TXK: variants seen among roughly 807,000 people sequenced by gnomAD.
The protein encoded by TXK is tyrosine-protein kinase TXK.
A neutral mutation model predicts 81.0 loss-of-function variants in TXK; 60 were observed. The ratio of observed to expected loss-of-function variants is 0.74; its 90% CI spans 0.60 to 0.92. The LOEUF is 0.92. TXK is among the 40% of genes least tolerant of loss of function. The pLI is 0.00. For missense variants in TXK, 581 were observed against 638.3 expected, an observed-to-expected ratio of 0.91 and a Z score of 0.97; for synonymous variants, 203 against 210.7, an observed-to-expected ratio of 0.96 and a Z score of 0.32.
chr4:48,121,729 C>CT (rs969387143), intron 1 of TXK, among the ~76,000 whole-genome samples: 13 of 150,854 alleles, frequency 8.6e-5, no homozygotes, highest in Middle Eastern at 3.4e-3. Context: ...CACAACCATC[C>CT]TTTTTTTTTC....
chr4:48,075,178 G>A (rs1717018031), intron 12 of TXK, among the ~76,000 whole-genome samples: 1 of 152,158 alleles, frequency 6.6e-6, no homozygotes, highest in South Asian at 2.1e-4. Context: ...GGCTGCCCAA[G>A]TACTTTAGGA....
intron 14 of TXK, among the ~76,000 whole-genome samples, chr4:48,068,500 C>A (rs1488381620): frequency 6.6e-6 from 1 of 152,210 alleles, no homozygotes; most frequent in Admixed American, 6.5e-5. Flanking sequence ...CCCTCTCACA[C>A]ATAGAAAAAT....
chr4:48,113,231 G>C lies in TXK; in HGVS notation c.150C>G (p.Leu50=). ...EKYTQRRRPW[L]SQLSNKKQSN... ...CTTGCTTCTTATTTGACAATTGGCT[G>C]AGCCACGGCCTGCGACGCTGGGTGT... The change falls in exon 3 of 15, where the codon CTC becomes CTG. Residue 50 remains leucine (L), a synonymous_variant. Coordinates refer to ENST00000264316, the MANE Select transcript of TXK (RefSeq NM_003328.3). 1 of 1,613,246 alleles carries C rather than the reference G, an allele frequency of 6.2e-7. No individual in the cohort carries two copies. The highest frequency in any genetic ancestry group is 1.1e-5 in the South Asian group (1 of 90,978).
At chr4:48,085,268 C>G (rs1342010207) in intron 10 of TXK, among the ~76,000 whole-genome samples, 2 of 152,058 alleles carry the variant, frequency 1.3e-5, no homozygotes, top group Non-Finnish European at 2.9e-5. Flanking sequence ...AGCTCTGGAC[C>G]CTTATGTCCT....
At chr4:48,113,129 C>G in intron 3 of TXK, 78 bp downstream of exon 3, 1 of 997,060 alleles carries the variant, frequency 1.0e-6, no homozygotes, top group South Asian at 1.6e-5. Flanking sequence ...TTCTGGGCAA[C>G]AAACAGCACC....
intron 6 of TXK, among the ~76,000 whole-genome samples, chr4:48,098,687 C>T (rs1463058739): frequency 2.6e-5 from 4 of 151,292 alleles, no homozygotes; most frequent in Admixed American, 1.3e-4. Context: ...AAGGGCCGGA[C>T]GCAGTGGCTC....
intron 5 of TXK, among the ~76,000 whole-genome samples, chr4:48,106,890 T>C (rs984319296): frequency 1.3e-5 from 2 of 152,162 alleles, no homozygotes; most frequent in African/African-American, 2.4e-5. Context: ...TTATCCGAAG[T>C]TGAAGATAAT....
rs1056617870 is a variant in TXK, at chr4:48,086,717, T to G, written c.785-80A>C. 1.6e-5 allele frequency: 21 copies of G among 1,353,072 alleles called. No individual in the cohort carries two copies. The African/African-American group carries it at 2.8e-4, about 18-fold the overall frequency. The allele number at this position is 1,353,072 out of a possible 1,614,324, so 83.8% of individuals were successfully genotyped here. The stretch of plus-strand genomic sequence containing the variant: ...AGGGCTGGAAAATGTTTAGGAAGTA[T>G]CTATTATTTGACAGAGAGGTTAAAA... On this transcript the variant is annotated intron_variant, in intron 9 of 14. Coordinates refer to ENST00000264316, the MANE Select transcript of TXK (RefSeq NM_003328.3).
chr4:48,101,497 A>T, intron 6 of TXK, among the ~76,000 whole-genome samples: 1 of 152,168 alleles, frequency 6.6e-6, no homozygotes. Flanking sequence ...ACACAACAGG[A>T]TAAATGCTGA....
chr4:48,086,117 T>C (rs971647166), intron 10 of TXK, among the ~76,000 whole-genome samples: 1 of 152,216 alleles, frequency 6.6e-6, no homozygotes, highest in Non-Finnish European at 1.5e-5. Context: ...CGTAAGGGAT[T>C]TGAGCACACA....
intron 1 of TXK, among the ~76,000 whole-genome samples, chr4:48,124,736 A>T (rs1333203915): frequency 1.3e-5 from 2 of 152,238 alleles, no homozygotes; most frequent in Non-Finnish European, 2.9e-5. Flanking sequence ...CTTTTATTCC[A>T]GACATATATT....
At position 48,103,801 on chromosome 4, in the gene TXK, G is replaced by A. The variant is rs557276936; in HGVS notation, c.501+1100C>T. ...TCCAAAGAACAAAGAAACTGCAGCA[G>A]CATGTATTTTTCTTTGTTTGTGTTT... On this transcript the variant is annotated intron_variant, in intron 6 of 14. Transcript: ENST00000264316. 5.9e-5 allele frequency among the ~76,000 whole-genome samples: 9 copies of A among 152,252 alleles called. No homozygotes were observed. The South Asian group carries it at 1.5e-3, about 25-fold the overall frequency.
At chr4:48,128,150 C>T (rs1248855574) in intron 1 of TXK, among the ~76,000 whole-genome samples, 2 of 152,202 alleles carry the variant, frequency 1.3e-5, no homozygotes, top group African/African-American at 4.8e-5. Context: ...CTGGCATTTC[C>T]GATGTCAGGG....
intron 10 of TXK, among the ~76,000 whole-genome samples, chr4:48,083,825 T>C (rs1454751768): frequency 6.6e-6 from 1 of 152,158 alleles, no homozygotes; most frequent in African/African-American, 2.4e-5. Flanking sequence ...CTTCAGAGTA[T>C]GACAAGTACT....
Position 48,076,473 on chromosome 4 carries a change from A to G in TXK, c.1174-7T>C. On this transcript the variant is annotated splice_region_variant and splice_polypyrimidine_tract_variant and intron_variant, in intron 11 of 14. Coordinates refer to ENST00000264316, the MANE Select transcript of TXK (RefSeq NM_003328.3). ...CCAAACAATTCCTTGCCGCCTATGG[A>G]AAGAAGAAAAGAATCCAAGTTTGAA... 1 of 1,604,926 alleles carries G rather than the reference A, an allele frequency of 6.2e-7. No homozygotes were observed. Among genetic ancestry groups the G allele is most frequent in the Non-Finnish European group, 8.5e-7 (1 of 1,177,468 alleles).
intron 6 of TXK, among the ~76,000 whole-genome samples, chr4:48,098,672 T>G (rs2109442720): frequency 6.6e-6 from 1 of 152,048 alleles, no homozygotes; most frequent in East Asian, 1.9e-4. Context: ...AAATAAAATC[T>G]GAAAAAGGGC....
At position 48,066,749 on chromosome 4, in the gene TXK, C is replaced by T. The variant is rs960322244; in HGVS notation, c.*888G>A. 1 of 152,174 alleles carries T rather than the reference C, an allele frequency of 6.6e-6. No homozygotes were observed. Among genetic ancestry groups the T allele is most frequent in the Non-Finnish European group, 1.5e-5 (1 of 68,034 alleles). The allele number at this position is 152,174 out of a possible 1,614,324, so 9.4% of individuals were successfully genotyped here. A position where few individuals can be genotyped will look rare whatever the true frequency, so the allele number is the denominator to read the frequency against. ...ATTGCTGGTTGTTTCATCTCGAATT[C>T]AAAATCCTGGATTTCCGAAACAATG... On this transcript the variant is annotated 3_prime_UTR_variant, in exon 15 of 15. Coordinates refer to ENST00000264316, the MANE Select transcript of TXK (RefSeq NM_003328.3).
At chr4:48,098,406 T>C (rs182488022) in intron 6 of TXK, among the ~76,000 whole-genome samples, 37 of 152,290 alleles carry the variant, frequency 2.4e-4, no homozygotes, top group African/African-American at 8.4e-4. Flanking sequence ...TATTATTAGG[T>C]TTGTGCAAAA....
intron 1 of TXK, among the ~76,000 whole-genome samples, chr4:48,132,459 G>C (rs574451325): frequency 2.0e-5 from 3 of 152,256 alleles, no homozygotes; most frequent in South Asian, 4.2e-4. Flanking sequence ...GGAGTGGCCT[G>C]GGCTAAAGTT....
Sources: allele counts gnomAD v4.1 joint callset (sites outside exome capture counted in the v4.1 genomes callset), GRCh38; gene constraint gnomAD v4.1.1; transcripts MANE v1.5; gene names NCBI Gene and HGNC (gene_info 2026-07-23, HGNC 2026-07-21).